The following CAD variants were observed in gnomAD, a reference collection of about 807,000 sequenced individuals.
CAD encodes the protein multifunctional protein CAD.
A neutral mutation model predicts 237.2 loss-of-function variants in CAD; 81 were observed. That is an observed-to-expected ratio of 0.34 (90% CI 0.29 to 0.41). The LOEUF is 0.41. Ranked by LOEUF, CAD falls within the 10% of genes least tolerant of loss-of-function variation. The pLI is 1.00. For synonymous variants in CAD, 1,196 were observed against 1,162.8 expected (o/e 1.03, Z -0.58); for missense variants, 2,181 against 2,951.7 (o/e 0.74, Z 6.05).
Position 27,236,466 on chromosome 2 carries a change from C to T in CAD, c.4257C>T (p.Ala1419=), listed in dbSNP as rs755050651. 108 of 1,613,942 alleles carry T rather than the reference C, an allele frequency of 6.7e-5. No individual in the cohort carries two copies. The highest frequency in any genetic ancestry group is 7.4e-5 in the Non-Finnish European group (87 of 1,180,044). The change falls in exon 26 of 44, where the codon GCC becomes GCT. Residue 1419 remains alanine (A), a synonymous_variant. Transcript: ENST00000264705. The surrounding 1 kb of genome is among the most constrained non-coding windows in gnomAD (Gnocchi z 4.1). Reference sequence around the variant, plus strand: ...AGGGCTACCGCACCCGACGCTTGGCCGCTGACTTCTCCGTGCCCCTAATCA... The same window carrying T: ...AGGGCTACCGCACCCGACGCTTGGCTGCTGACTTCTCCGTGCCCCTAATCA... ...VTKGYRTRRL[A]ADFSVPLIID... is the part of the protein sequence containing the mutation.
Position 27,240,210 on chromosome 2 carries a change from C to T in CAD, c.5497-55C>T, listed in dbSNP as rs1676239262. On this transcript the variant is annotated intron_variant, in intron 34 of 43. Coordinates refer to ENST00000264705, the MANE Select transcript of CAD (RefSeq NM_004341.5). This position sits in a 1 kb window ranked among gnomAD's most constrained non-coding sequence, Gnocchi z 4.6. ...CTCCAGCCTGAGCGACAGAACGAGA[C>T]TCCGTCTCAAAAGAAAAAAAAAAAA... The T allele has an allele frequency of 7.0e-7, 1 of 1,438,794 alleles. No homozygotes were observed. The highest frequency in any genetic ancestry group is 9.6e-7 in the Non-Finnish European group (1 of 1,036,470). The allele number at this position is 1,438,794 out of a possible 1,614,324, so 89.1% of individuals were successfully genotyped here.
intron 6 of CAD, among the ~76,000 whole-genome samples, 168 bp downstream of exon 6, chr2:27,223,205 C>T (rs1422698646): frequency 6.6e-6 from 1 of 152,012 alleles, no homozygotes. Context: ...CCAAGGTGGG[C>T]GGATCACTGG....
At chr2:27,221,137 G>A in intron 2 of CAD, 81 bp from the exon 3 acceptor site, 2 of 1,252,446 alleles carry the variant, frequency 1.6e-6, no homozygotes, top group Non-Finnish European at 2.2e-6. Context: ...CTGAATATAG[G>A]GTCTGTGGCC....
intron 13 of CAD, 70 bp from the exon 14 acceptor site, chr2:27,226,455 T>G: frequency 6.3e-7 from 1 of 1,582,468 alleles, no homozygotes; most frequent in South Asian, 1.1e-5. Context: ...TAGGTTACTT[T>G]TCTCTCCTTT....
chr2:27,222,316 G>C lies in CAD; in HGVS notation c.475G>C (p.Val159Leu). 6.2e-7 allele frequency: 1 copy of C among 1,612,484 alleles called. No homozygotes were observed. Among genetic ancestry groups the C allele is most frequent in the Non-Finnish European group, 8.5e-7 (1 of 1,178,732 alleles). The change falls in exon 4 of 44, where the codon GTA becomes CTA. Residue 159 changes from valine to leucine, a missense_variant. Physicochemically the swap from Val to Leu is conservative, Grantham distance 32. This residue lies in a region of CAD where 314 missense variants were observed against 339.4 expected (regional missense o/e 0.93). Coordinates refer to ENST00000264705, the MANE Select transcript of CAD (RefSeq NM_004341.5). ...PFLDPNARPL[V>L]PEVSIKTPRV... ...CTTGGACCCCAATGCCCGCCCCCTG[G>C]TACCAGAGGTCTCCATTAAGGTACA...
chr2:27,237,670 G>A lies in CAD; in HGVS notation c.4564-48G>A, dbSNP rs867468250. 6.3e-7 allele frequency: 1 copy of A among 1,588,106 alleles called. No individual in the cohort carries two copies. Among genetic ancestry groups the A allele is most frequent in the African/African-American group, 1.3e-5 (1 of 74,580 alleles). On this transcript the variant is annotated intron_variant, in intron 28 of 43. Coordinates refer to ENST00000264705, the MANE Select transcript of CAD (RefSeq NM_004341.5). The surrounding 1 kb of genome is among the most constrained non-coding windows in gnomAD (Gnocchi z 4.0). ...CAGGCCACTGGTGCCAGGCTAGCCT[G>A]TGTGGGCATGGGTGCCAGTGAGCCT...
chr2:27,226,461 C>T, intron 13 of CAD, 64 bp from the exon 14 acceptor site: 1 of 1,587,052 alleles, frequency 6.3e-7, no homozygotes, highest in Non-Finnish European at 8.6e-7. Context: ...ACTTTTCTCT[C>T]CTTTCTGAGA....
Position 27,240,995 on chromosome 2 carries a change from C to T in CAD, c.5638+40C>T. 1.2e-6 allele frequency: 2 copies of T among 1,614,128 alleles called. No homozygotes were observed. Among genetic ancestry groups the T allele is most frequent in the Non-Finnish European group, 8.5e-7 (1 of 1,179,998 alleles). On this transcript the variant is annotated intron_variant, in intron 36 of 43. Transcript: ENST00000264705. This position sits in a 1 kb window ranked among gnomAD's most constrained non-coding sequence, Gnocchi z 4.6. ...TGACACACACTCACCTCGGGGACCT[C>T]TGATCTGGCCTTGGTAGGAGGAACC...
At chr2:27,231,386 T>C (rs1271720275) in intron 15 of CAD, 82 bp from the exon 16 acceptor site, 1 of 788,800 alleles carries the variant, frequency 1.3e-6, no homozygotes, top group Non-Finnish European at 2.2e-6. Context: ...GTCTTGACTA[T>C]AAACCATAAG....
At chr2:27,219,442 A>T (rs1289495696) in intron 2 of CAD, among the ~76,000 whole-genome samples, 1 of 152,012 alleles carries the variant, frequency 6.6e-6, no homozygotes, top group African/African-American at 2.4e-5. Context: ...ACCTGAGCTC[A>T]AGTAGTCCTC....
Position 27,241,778 on chromosome 2 carries a change from G to A in CAD, c.5884-133G>A. ...GGTGGAAACGTCAAGGCTCTGACAG[G>A]TCACAGGGGAGGTTTGGGTGCAGAA... On this transcript the variant is annotated intron_variant, in intron 38 of 43. Transcript: ENST00000264705. This position sits in a 1 kb window ranked among gnomAD's most constrained non-coding sequence, Gnocchi z 4.6. 1 of 682,204 alleles carries A rather than the reference G, an allele frequency of 1.5e-6. No individual in the cohort carries two copies. Among genetic ancestry groups the A allele is most frequent in the Admixed American group, 2.5e-5 (1 of 39,630 alleles). 42.3% of individuals were successfully genotyped at this position (682,204 alleles called of 1,614,324 possible).
Position 27,226,641 on chromosome 2 carries a change from T to C in CAD, c.2148T>C (p.Pro716=), listed in dbSNP as rs781530554. The change falls in exon 14 of 44, where the codon CCT becomes CCC. Residue 716 remains proline, a synonymous_variant. Transcript: ENST00000264705. The part of the protein sequence containing the change: ...AAKLALGIPL[P]ELRNSVTGGT... ...AGCTAGCATTGGGCATCCCTTTGCC[T>C]GAGCTCAGGTACGAGGATGAGGGAG... The C allele has an allele frequency of 3.3e-5, 53 of 1,614,104 alleles. No homozygotes were observed. Among genetic ancestry groups the C allele is most frequent in the Non-Finnish European group, 4.5e-5 (53 of 1,180,014 alleles).
In CAD at chr2:27,240,450, T is replaced by C; in HGVS notation, c.5593+89T>C. 2 of 1,474,584 alleles carry C rather than the reference T, an allele frequency of 1.4e-6. No individual in the cohort carries two copies. The highest frequency in any genetic ancestry group is 2.3e-5 in the South Asian group (2 of 87,912). The allele number at this position is 1,474,584 out of a possible 1,614,324, so 91.3% of individuals were successfully genotyped here. A position where few individuals can be genotyped will look rare whatever the true frequency, so the allele number is the denominator to read the frequency against. On this transcript the variant is annotated intron_variant, in intron 35 of 43. Transcript: ENST00000264705. The surrounding 1 kb of genome is among the most constrained non-coding windows in gnomAD (Gnocchi z 4.6). ...CTCGCCTTTCTCTACTTACATGTCCTCCTCTCCATCCCTTTATCCTCGTCT... is the reference window on the plus strand; with the variant it reads ...CTCGCCTTTCTCTACTTACATGTCCCCCTCTCCATCCCTTTATCCTCGTCT...
In CAD at chr2:27,240,650, G is replaced by A; in HGVS notation, c.5594-261G>A. On this transcript the variant is annotated intron_variant, in intron 35 of 43. Transcript: ENST00000264705. This position sits in a 1 kb window ranked among gnomAD's most constrained non-coding sequence, Gnocchi z 4.6. ...CAGGTTGTTGGTTGGTGTGAGTCTG[G>A]CCGTTCCTCTTGCCTAGGATGCCTT... 6.5e-7 allele frequency: 1 copy of A among 1,542,162 alleles called. No individual in the cohort carries two copies. Among genetic ancestry groups the A allele is most frequent in the South Asian group, 1.2e-5 (1 of 83,028 alleles).
chr2:27,239,644 T>C lies in CAD; in HGVS notation c.5395-53T>C. The C allele has an allele frequency of 6.6e-7, 1 of 1,505,928 alleles. No homozygotes were observed. 93.3% of individuals were successfully genotyped at this position (1,505,928 alleles called of 1,614,324 possible). A position where few individuals can be genotyped will look rare whatever the true frequency, so the allele number is the denominator to read the frequency against. On this transcript the variant is annotated intron_variant, in intron 33 of 43. Coordinates refer to ENST00000264705, the MANE Select transcript of CAD (RefSeq NM_004341.5). The surrounding 1 kb of genome is among the most constrained non-coding windows in gnomAD (Gnocchi z 4.0). ...TTGTCCTTGCTGACATCTACCCCTT[T>C]AGGACCTGAGTTCTCTCTGCTCCCT...
rs188915572 is a variant in CAD at position 27,226,994 on chromosome 2, G to C, written c.2287+32G>C. 3 of 1,608,072 alleles carry C rather than the reference G, an allele frequency of 1.9e-6. No homozygotes were observed. In the Admixed American group the frequency reaches 5.0e-5, roughly 27 times the overall value. On this transcript the variant is annotated intron_variant, in intron 15 of 43. Coordinates refer to ENST00000264705, the MANE Select transcript of CAD (RefSeq NM_004341.5). ...CTCATGCCCTGGGCACCCCCATGGG[G>C]CCCCACCATGACCAAGAATCTTAAA...
At position 27,235,820 on chromosome 2, in the gene CAD, G is replaced by A; in HGVS notation, c.4074+180G>A. 5.3e-6 allele frequency: 3 copies of A among 569,540 alleles called. No individual in the cohort carries two copies. The highest frequency in any genetic ancestry group is 4.1e-5 in the South Asian group (2 of 48,638). The allele number at this position is 569,540 out of a possible 1,614,324, so 35.3% of individuals were successfully genotyped here. A position where few individuals can be genotyped will look rare whatever the true frequency, so the allele number is the denominator to read the frequency against. On this transcript the variant is annotated intron_variant, in intron 25 of 43. Coordinates refer to ENST00000264705, the MANE Select transcript of CAD (RefSeq NM_004341.5). The surrounding 1 kb of genome is among the most constrained non-coding windows in gnomAD (Gnocchi z 5.2). ...GTAGAGGCTGCAGTGAGCTGCGAGT[G>A]TGCAGTGAGTGCACCACTGCACTCC... is the stretch of plus-strand genomic sequence containing the variant.
intron 22 of CAD, 96 bp downstream of exon 22, chr2:27,234,322 A>C: frequency 7.8e-7 from 1 of 1,278,700 alleles, no homozygotes; most frequent in Non-Finnish European, 1.1e-6. Flanking sequence ...TCCTGCCTTC[A>C]TCCAAGTAGG....
intron 4 of CAD, 46 bp from the exon 5 acceptor site, chr2:27,222,473 C>T (rs1387314019): frequency 6.2e-7 from 1 of 1,604,224 alleles, no homozygotes; most frequent in Non-Finnish European, 8.5e-7. Flanking sequence ...CTTATACCCA[C>T]TGAGCACAGC....
Sources: gnomAD v4.1 joint callset for allele counts (sites outside exome capture counted in the v4.1 genomes callset) on GRCh38, gnomAD v4.1.1 for gene constraint, gnomAD v4.1.1 regional missense constraint, Gnocchi (gnomAD v3.1) non-coding constraint, MANE v1.5 for transcripts, NCBI Gene and HGNC (gene_info 2026-07-23, HGNC 2026-07-21) for gene names.